KCTD20: variants seen among roughly 807,000 people sequenced by gnomAD.
KCTD20 encodes the protein potassium channel tetramerization domain containing 20.
Under a neutral mutation model 39.6 loss-of-function variants are expected in KCTD20, and 30 were observed. The observed-to-expected ratio is 0.76, with a 90% CI of 0.57 to 1.03. The LOEUF (loss-of-function observed/expected upper bound fraction) is 1.03, where lower values mean the gene tolerates loss of function less well. Ranked by LOEUF, KCTD20 falls within the 50% of genes least tolerant of loss-of-function variation. KCTD20 has a pLI of 0.00. For missense variants in KCTD20, 422 were observed against 522.0 expected (o/e 0.81, Z 1.87); for synonymous variants, 162 against 180.6 (o/e 0.90, Z 0.83).
At chr6:36,484,048 T>G (rs1776344419) in intron 6 of KCTD20, among the ~76,000 whole-genome samples, 1 of 151,720 alleles carries the variant, frequency 6.6e-6, no homozygotes, top group South Asian at 2.1e-4. Context: ...CAAGTGCTTC[T>G]CCTGCCTCAG....
At chr6:36,453,408 C>T (rs1411999679) in intron 1 of KCTD20, among the ~76,000 whole-genome samples, 1 of 151,962 alleles carries the variant, frequency 6.6e-6, no homozygotes, top group Non-Finnish European at 1.5e-5. Flanking sequence ...AATTTCTGCC[C>T]TTATTTCTTT....
At chr6:36,445,227 A>T (rs1056460661) in intron 1 of KCTD20, among the ~76,000 whole-genome samples, 1 of 140,746 alleles carries the variant, frequency 7.1e-6, no homozygotes, top group Non-Finnish European at 1.5e-5. Flanking sequence ...GCGCCATTGT[A>T]CTCCAGCCTG....
chr6:36,485,377 T>C (rs1039565563), intron 7 of KCTD20, among the ~76,000 whole-genome samples: 7 of 152,132 alleles, frequency 4.6e-5, no homozygotes, highest in Non-Finnish European at 7.4e-5. Flanking sequence ...CAGAACTACT[T>C]TGAATGATCT....
chr6:36,447,906 G>A (rs977464095), intron 1 of KCTD20, among the ~76,000 whole-genome samples: 7 of 151,202 alleles, frequency 4.6e-5, no homozygotes, highest in African/African-American at 1.5e-4. Flanking sequence ...CAGGTGGATC[G>A]ATTGAACCCA....
chr6:36,449,688 G>A (rs574914135), intron 1 of KCTD20, among the ~76,000 whole-genome samples: 3 of 152,250 alleles, frequency 2.0e-5, no homozygotes, highest in Admixed American at 6.5e-5. Flanking sequence ...TCATCCCTCT[G>A]TTTATGTGTT....
intron 6 of KCTD20, among the ~76,000 whole-genome samples, chr6:36,483,573 G>A (rs1776328409): frequency 6.6e-6 from 1 of 152,170 alleles, no homozygotes; most frequent in South Asian, 2.1e-4. Flanking sequence ...GGAGAGCAGT[G>A]GTGCAATCAT....
At chr6:36,462,010 G>A (rs76878572) in intron 1 of KCTD20, among the ~76,000 whole-genome samples, 2,934 of 152,268 alleles carry the variant, frequency 0.019, 91 homozygotes, top group African/African-American at 0.065. Flanking sequence ...CCTGTCCACA[G>A]ATATCCTTTG....
At chr6:36,456,055 CA>C (rs1775424423) in intron 1 of KCTD20, among the ~76,000 whole-genome samples, 1 of 152,178 alleles carries the variant, frequency 6.6e-6, no homozygotes, top group African/African-American at 2.4e-5. Flanking sequence ...TGCCTTCAAA[CA>C]GATGTTTTTT....
At chr6:36,462,180 G>C (rs1775620551) in intron 1 of KCTD20, among the ~76,000 whole-genome samples, 1 of 152,070 alleles carries the variant, frequency 6.6e-6, no homozygotes, top group Non-Finnish European at 1.5e-5. Context: ...AACCCTTGTG[G>C]AGTATGATGA....
intron 1 of KCTD20, among the ~76,000 whole-genome samples, chr6:36,461,661 T>TA (rs1775603015): frequency 6.6e-6 from 1 of 152,200 alleles, no homozygotes; most frequent in Non-Finnish European, 1.5e-5. Context: ...CGTTAAGTTA[T>TA]ATTGACAAAA....
chr6:36,485,781 G>A (rs1036462375), intron 7 of KCTD20, among the ~76,000 whole-genome samples: 2 of 151,890 alleles, frequency 1.3e-5, no homozygotes, highest in African/African-American at 4.8e-5. Flanking sequence ...TGTGAGCCAC[G>A]GCGCCTGGCC....
intron 1 of KCTD20, among the ~76,000 whole-genome samples, chr6:36,452,861 C>T (rs4711452): frequency 0.37 from 55,669 of 151,520 alleles, 11,039 homozygotes; most frequent in East Asian, 0.54. Flanking sequence ...AACAACTTCA[C>T]TGAGAGAGAA....
In KCTD20 at chr6:36,469,267, G is replaced by A. The variant is rs934445678; in HGVS notation, c.-46-785G>A. 8.5e-5 allele frequency among the ~76,000 whole-genome samples: 13 copies of A among 152,250 alleles called. No individual in the cohort carries two copies. The highest frequency in any genetic ancestry group is 3.1e-4 in the African/African-American group (13 of 41,546). ...AACTTCAGAAATATTTTGAGTAGCC[G>A]CCATCGAGGATGGAAGGGTTGCAGG... is the stretch of plus-strand genomic sequence containing the variant. On this transcript the variant is annotated intron_variant, in intron 1 of 7. Transcript: ENST00000373731. The surrounding 1 kb of genome is among the most constrained non-coding windows in gnomAD (Gnocchi z 4.6).
rs972387278 is a variant in KCTD20, at chr6:36,474,068, TTTG to T, written c.161-718_161-716del. Among the ~76,000 whole-genome samples, 14 of 150,088 alleles carry T rather than the reference TTTG, an allele frequency of 9.3e-5. No homozygotes were observed. The East Asian group carries it at 1.3e-3, about 14-fold the overall frequency. On this transcript the variant is annotated intron_variant, in intron 2 of 7. Transcript: ENST00000373731. ...TCTGAAAAATAAAATTTTGTTTTGT[TTTG>T]TTTTTGTTTTGTTTTGTTTTATTAT... is the stretch of plus-strand genomic sequence containing the variant.
intron 1 of KCTD20, among the ~76,000 whole-genome samples, chr6:36,468,773 C>T (rs1001450316): frequency 6.6e-6 from 1 of 152,210 alleles, no homozygotes; most frequent in African/African-American, 2.4e-5. Flanking sequence ...TCAATACATT[C>T]ACTTTATTCC....
chr6:36,474,137 A>G (rs977635056), intron 2 of KCTD20, among the ~76,000 whole-genome samples: 1 of 152,076 alleles, frequency 6.6e-6, no homozygotes, highest in African/African-American at 2.4e-5. Context: ...GGTTAGTTAC[A>G]TATGTATACA....
At chr6:36,471,057 AC>A (rs1775896311) in intron 2 of KCTD20, among the ~76,000 whole-genome samples, 1 of 151,872 alleles carries the variant, frequency 6.6e-6, no homozygotes, top group Admixed American at 6.6e-5. Context: ...AGTATGAGGC[AC>A]AAGAATCGCT....
chr6:36,461,767 G>A (rs898313583), intron 1 of KCTD20, among the ~76,000 whole-genome samples: 5 of 152,170 alleles, frequency 3.3e-5, no homozygotes, highest in Non-Finnish European at 7.4e-5. Context: ...TAAGTTAGGA[G>A]TGTCAAATAG....
chr6:36,451,815 T>C (rs1775264943), intron 1 of KCTD20, among the ~76,000 whole-genome samples: 1 of 151,566 alleles, frequency 6.6e-6, no homozygotes, highest in Non-Finnish European at 1.5e-5. Context: ...TCAAACAGAT[T>C]TCTATTTATT....
Sources: gnomAD v4.1 joint callset for allele counts (sites outside exome capture counted in the v4.1 genomes callset) on GRCh38, gnomAD v4.1.1 for gene constraint, Gnocchi (gnomAD v3.1) non-coding constraint, MANE v1.5 for transcripts, NCBI Gene and HGNC (gene_info 2026-07-23, HGNC 2026-07-21) for gene names.